The following CEP162 variants were observed in gnomAD, a reference collection of about 807,000 sequenced individuals.
The protein encoded by CEP162 is centrosomal protein of 162 kDa.
Under a neutral mutation model 169.2 loss-of-function variants are expected in CEP162, and 141 were observed. That is an observed-to-expected ratio of 0.83 (90% CI 0.73 to 0.96). The LOEUF is 0.96. Ranked by LOEUF, CEP162 falls within the 40% of genes least tolerant of loss-of-function variation. The probability of loss-of-function intolerance (pLI) is 0.00; values close to 1 mark genes in which losing one functional copy is unlikely to be tolerated. For synonymous variants in CEP162, 540 were observed against 526.4 expected (o/e 1.03, Z -0.35); for missense variants, 1,600 against 1,587.2 (o/e 1.01, Z -0.14).
chr6:84,213,879 T>C (rs1453783165), intron 5 of CEP162, among the ~76,000 whole-genome samples: 1 of 152,226 alleles, frequency 6.6e-6, no homozygotes, highest in Non-Finnish European at 1.5e-5. Flanking sequence ...CTGCACATTC[T>C]TGCTGAATAT....
intron 21 of CEP162, among the ~76,000 whole-genome samples, chr6:84,156,886 T>A (rs1233074855): frequency 2.0e-5 from 3 of 152,132 alleles, no homozygotes; most frequent in African/African-American, 7.2e-5. Context: ...CCACATGTTC[T>A]CACTTGAAAG....
chr6:84,135,537 G>A (rs1031738647), intron 25 of CEP162, among the ~76,000 whole-genome samples: 2 of 152,164 alleles, frequency 1.3e-5, no homozygotes, highest in African/African-American at 2.4e-5. Flanking sequence ...AATTTAAACT[G>A]AACCACAAAA....
chr6:84,193,640 CA>C lies in CEP162; in HGVS notation c.1077del (p.Phe359LeufsTer30), dbSNP rs1405882358. ...GGTTGTAAATCAAAACCACTGATCC[CA>C]AAGGAATCTATTCTGATAGGTTTCA... ...ELMKPIRIDS[F>X]GISGFDLQPV... On this transcript the variant is annotated frameshift_variant, in exon 11 of 27. Transcript: ENST00000403245. LOFTEE classifies it high-confidence loss of function. The C allele has an allele frequency of 6.4e-7, 1 of 1,566,296 alleles. No individual in the cohort carries two copies. The highest frequency in any genetic ancestry group is 1.2e-5 in the South Asian group (1 of 84,728).
intron 21 of CEP162, among the ~76,000 whole-genome samples, chr6:84,157,404 G>T (rs772772353): frequency 7.2e-5 from 11 of 152,176 alleles, no homozygotes; most frequent in Non-Finnish European, 1.6e-4. Context: ...GGGTGCGATG[G>T]CTCATGCCTG....
At chr6:84,215,663 T>C (rs1588889718) in intron 4 of CEP162, 113 bp downstream of exon 4, 1 of 1,369,750 alleles carries the variant, frequency 7.3e-7, no homozygotes, top group Non-Finnish European at 9.8e-7. Flanking sequence ...TCTAGGAAGA[T>C]ATTAAATCTG....
intron 18 of CEP162, among the ~76,000 whole-genome samples, chr6:84,168,555 A>C (rs1289698329): frequency 6.6e-6 from 1 of 152,106 alleles, no homozygotes; most frequent in African/African-American, 2.4e-5. Flanking sequence ...GGGTGGGAGG[A>C]AGTAACTGTA....
At chr6:84,128,006 C>T (rs1490346566) in intron 25 of CEP162, among the ~76,000 whole-genome samples, 1 of 152,080 alleles carries the variant, frequency 6.6e-6, no homozygotes, top group Non-Finnish European at 1.5e-5. Context: ...TTTTATTAAG[C>T]CTTATATATG....
chr6:84,137,362 C>A (rs1464857759), intron 25 of CEP162, among the ~76,000 whole-genome samples: 1 of 152,014 alleles, frequency 6.6e-6, no homozygotes, highest in Non-Finnish European at 1.5e-5. Context: ...TCTTATAAAC[C>A]CTATGATCAT....
chr6:84,186,292 G>C (rs2099537113), intron 12 of CEP162, 40 bp downstream of exon 12: 1 of 1,168,418 alleles, frequency 8.6e-7, no homozygotes, highest in South Asian at 1.4e-5. Flanking sequence ...CATAACTTCG[G>C]TTCTCAATCT....
intron 11 of CEP162, among the ~76,000 whole-genome samples, chr6:84,187,427 G>GTAAC (rs2099537650): frequency 1.3e-5 from 2 of 152,120 alleles, no homozygotes; most frequent in Admixed American, 1.3e-4. Context: ...TGGCTTCTTG[G>GTAAC]TAACTGCTAG....
Position 84,124,997 on chromosome 6 carries a change from C to G in CEP162, c.*73G>C, listed in dbSNP as rs2099508323. ...TATTGGAACACTTGTTTTTCATAAGCTGTCCTGACAGTGGCACAATCCCAT... is the reference window on the plus strand; with the variant it reads ...TATTGGAACACTTGTTTTTCATAAGGTGTCCTGACAGTGGCACAATCCCAT... On this transcript the variant is annotated 3_prime_UTR_variant, in exon 27 of 27. Transcript: ENST00000403245. 1.8e-6 allele frequency: 2 copies of G among 1,089,950 alleles called. No homozygotes were observed. The highest frequency in any genetic ancestry group is 1.4e-5 in the South Asian group (1 of 69,494). 67.5% of individuals were successfully genotyped at this position (1,089,950 alleles called of 1,614,324 possible).
intron 24 of CEP162, among the ~76,000 whole-genome samples, chr6:84,149,244 T>C (rs1350005463): frequency 6.6e-6 from 1 of 152,150 alleles, no homozygotes; most frequent in Non-Finnish European, 1.5e-5. Context: ...GTCCTAATCA[T>C]GTTAGACATA....
chr6:84,209,797 A>G (rs1175417427), intron 6 of CEP162, among the ~76,000 whole-genome samples: 1 of 152,204 alleles, frequency 6.6e-6, no homozygotes, highest in East Asian at 1.9e-4. Context: ...ATTTTCATTT[A>G]GTAACTAAGC....
intron 22 of CEP162, 54 bp downstream of exon 22, chr6:84,155,244 C>T (rs1588746009): frequency 6.0e-6 from 8 of 1,339,372 alleles, no homozygotes; most frequent in South Asian, 2.4e-5. Context: ...CTAAGAAGTG[C>T]CTGCCCCCAT....
intron 8 of CEP162, 128 bp downstream of exon 8, chr6:84,201,609 T>G: frequency 1.7e-6 from 1 of 584,512 alleles, no homozygotes; most frequent in Non-Finnish European, 3.1e-6. Flanking sequence ...TGAGAAAAGC[T>G]AGGAACTTCA....
chr6:84,129,494 GTGTC>G (rs1313447990), intron 25 of CEP162, among the ~76,000 whole-genome samples: 1 of 152,152 alleles, frequency 6.6e-6, no homozygotes, highest in Non-Finnish European at 1.5e-5. Flanking sequence ...CTTTTGAAAA[GTGTC>G]TGTCCATATC....
chr6:84,196,955 G>A (rs930929828), intron 9 of CEP162, among the ~76,000 whole-genome samples: 6 of 152,136 alleles, frequency 3.9e-5, no homozygotes, highest in African/African-American at 1.4e-4. Context: ...ATTTTCAAGA[G>A]GACATGAGGA....
chr6:84,125,198 TTAAC>T lies in CEP162; in HGVS notation c.4080_4083del (p.Leu1361ArgfsTer12). On this transcript the variant is annotated frameshift_variant, in exon 27 of 27. Transcript: ENST00000403245. LOFTEE classifies it high-confidence loss of function. ...CGGAACTTCTCCAGCTCACGATTCT[TTAAC>T]TGTGCCAGTCTTTTCCATTTTTCAA... 1 of 1,613,708 alleles carries T rather than the reference TTAAC, an allele frequency of 6.2e-7. No individual in the cohort carries two copies. Among genetic ancestry groups the T allele is most frequent in the Non-Finnish European group, 8.5e-7 (1 of 1,179,710 alleles).
chr6:84,202,015 T>C (rs1436947389), intron 7 of CEP162, among the ~76,000 whole-genome samples: 1 of 152,202 alleles, frequency 6.6e-6, no homozygotes, highest in African/African-American at 2.4e-5. Flanking sequence ...ATTTAGACCT[T>C]AAAAATTCTT....
Sources: gnomAD v4.1 joint callset for allele counts (sites outside exome capture counted in the v4.1 genomes callset) on GRCh38, gnomAD v4.1.1 for gene constraint, MANE v1.5 for transcripts, NCBI Gene and HGNC (gene_info 2026-07-23, HGNC 2026-07-21) for gene names.